The following CDH19 variants were observed in gnomAD, a reference collection of about 807,000 sequenced individuals.
CDH19 encodes the protein cadherin 19.
CDH19 carries 67 observed loss-of-function variants against 64.2 expected under a neutral mutation model. That is an observed-to-expected ratio of 1.04 (90% CI 0.86 to 1.28). The LOEUF is 1.28. Among genes scored for constraint, CDH19 ranks in the 50% most tolerant of loss-of-function variants. The probability of loss-of-function intolerance (pLI) is 0.00; values close to 1 mark genes in which losing one functional copy is unlikely to be tolerated. For synonymous variants in CDH19, 346 were observed against 319.3 expected, an observed-to-expected ratio of 1.08 and a Z score of -0.89; for missense variants, 1,030 against 929.0, an observed-to-expected ratio of 1.11 and a Z score of -1.41.
chr18:66,584,128 T>A (rs561609855), intron 1 of CDH19, among the ~76,000 whole-genome samples: 2 of 152,190 alleles, frequency 1.3e-5, no homozygotes, highest in East Asian at 1.9e-4. Flanking sequence ...ATATCCAGCA[T>A]CTATCAAGAA....
At chr18:66,516,815 A>C (rs1172712263) in intron 9 of CDH19, among the ~76,000 whole-genome samples, 1 of 152,072 alleles carries the variant, frequency 6.6e-6, no homozygotes, top group Admixed American at 6.6e-5. Context: ...TCACTCTAGA[A>C]GAGAATATAG....
At chr18:66,569,404 A>T (rs938219730) in intron 2 of CDH19, among the ~76,000 whole-genome samples, 1 of 151,424 alleles carries the variant, frequency 6.6e-6, no homozygotes, top group African/African-American at 2.4e-5. Context: ...TTACACCACG[A>T]GGCTATCAAA....
intron 6 of CDH19, among the ~76,000 whole-genome samples, 178 bp downstream of exon 6, chr18:66,544,541 T>C (rs997421874): frequency 3.3e-5 from 5 of 152,176 alleles, no homozygotes; most frequent in African/African-American, 1.2e-4. Context: ...ATGTTCTGCA[T>C]ATAATTCAAA....
At chr18:66,555,377 A>AT (rs1385399861) in intron 3 of CDH19, among the ~76,000 whole-genome samples, 6 of 136,816 alleles carry the variant, frequency 4.4e-5, no homozygotes, top group Non-Finnish European at 8.4e-5. Context: ...AGCATCATGA[A>AT]TTTTCTCATC....
chr18:66,595,358 C>A, intron 1 of CDH19, among the ~76,000 whole-genome samples: 1 of 150,256 alleles, frequency 6.7e-6, no homozygotes, highest in Admixed American at 6.6e-5. Context: ...GAAATGGAGA[C>A]ATGAAAAACA....
intron 3 of CDH19, among the ~76,000 whole-genome samples, chr18:66,558,906 T>C (rs1262287992): frequency 6.6e-6 from 1 of 152,070 alleles, no homozygotes; most frequent in Non-Finnish European, 1.5e-5. Context: ...GTTTGAGTCA[T>C]AGTGAATACC....
intron 9 of CDH19, among the ~76,000 whole-genome samples, chr18:66,525,612 A>G (rs958645405): frequency 6.6e-6 from 1 of 152,164 alleles, no homozygotes; most frequent in Non-Finnish European, 1.5e-5. Context: ...TGTGATAGCC[A>G]TAATTCCTGG....
chr18:66,594,561 C>A (rs1988830529), intron 1 of CDH19, among the ~76,000 whole-genome samples: 1 of 152,048 alleles, frequency 6.6e-6, no homozygotes, highest in South Asian at 2.1e-4. Flanking sequence ...TCATACGAAT[C>A]ACAGTCTTGG....
At chr18:66,547,275 A>G (rs959326373) in intron 5 of CDH19, among the ~76,000 whole-genome samples, 4 of 152,084 alleles carry the variant, frequency 2.6e-5, no homozygotes, top group African/African-American at 9.7e-5. Context: ...AAAGAAAAGT[A>G]GAAAAAGTAG....
At chr18:66,537,185 T>C (rs1986707204) in intron 7 of CDH19, among the ~76,000 whole-genome samples, 1 of 151,998 alleles carries the variant, frequency 6.6e-6, no homozygotes, top group African/African-American at 2.4e-5. Flanking sequence ...ACTCATATTC[T>C]TCTTTTACAA....
At chr18:66,536,563 AGTTTAATTC>A (rs1244611601) in intron 7 of CDH19, among the ~76,000 whole-genome samples, 3 of 151,822 alleles carry the variant, frequency 2.0e-5, no homozygotes, top group Non-Finnish European at 4.4e-5. Flanking sequence ...AGTCTTTAGT[AGTTTAATTC>A]ACATCTGTTA....
At chr18:66,505,445 T>G (rs1055210143) in intron 11 of CDH19, 143 bp from the exon 12 acceptor site, 7 of 645,112 alleles carry the variant, frequency 1.1e-5, no homozygotes, top group African/African-American at 1.9e-5. Flanking sequence ...ATTGAAAATT[T>G]GCCAAAGGGA....
rs539493571 is a variant in CDH19 at position 66,576,487 on chromosome 18, C to G, written c.-112-4171G>C. ...TCATAATTATAAGTGATAAACATAT[C>G]ATTTCATAATTATAAATGATAAACA... On this transcript the variant is annotated intron_variant, in intron 1 of 11. Coordinates refer to ENST00000262150, the MANE Select transcript of CDH19 (RefSeq NM_021153.4). Among the ~76,000 whole-genome samples the G allele has an allele frequency of 7.3e-5, 11 of 151,406 alleles. No homozygotes were observed. The South Asian group carries it at 2.3e-3, about 32-fold the overall frequency.
At chr18:66,527,760 A>G (rs548824144) in intron 9 of CDH19, among the ~76,000 whole-genome samples, 3 of 151,634 alleles carry the variant, frequency 2.0e-5, no homozygotes, top group Admixed American at 6.6e-5. Flanking sequence ...ATCTATATAT[A>G]TATATAAAAA....
chr18:66,578,538 C>T (rs1226415216), intron 1 of CDH19, among the ~76,000 whole-genome samples: 5 of 151,796 alleles, frequency 3.3e-5, no homozygotes, highest in South Asian at 2.1e-4. Flanking sequence ...AATGTAAAAT[C>T]GCATGACTAT....
At chr18:66,529,575 A>G (rs1986355795) in intron 9 of CDH19, among the ~76,000 whole-genome samples, 1 of 149,126 alleles carries the variant, frequency 6.7e-6, no homozygotes, top group Non-Finnish European at 1.5e-5. Context: ...TGTAATTAAT[A>G]TAAATAGAAT....
At chr18:66,600,834 G>A (rs1022118570) in intron 1 of CDH19, among the ~76,000 whole-genome samples, 5 of 151,764 alleles carry the variant, frequency 3.3e-5, no homozygotes, top group Non-Finnish European at 7.4e-5. Flanking sequence ...TATTCTATAA[G>A]CATTCGATAA....
chr18:66,568,330 A>T, intron 3 of CDH19, 86 bp downstream of exon 3: 1 of 1,047,482 alleles, frequency 9.5e-7, no homozygotes, highest in Non-Finnish European at 1.4e-6. Flanking sequence ...ATAGACCCTT[A>T]AATCATCTAC....
chr18:66,549,040 G>T (rs1987244791), intron 5 of CDH19, among the ~76,000 whole-genome samples: 1 of 151,790 alleles, frequency 6.6e-6, no homozygotes, highest in South Asian at 2.1e-4. Flanking sequence ...TTGAGAGGAG[G>T]GTAATGGGAT....
Sources: gnomAD v4.1 joint callset for allele counts (sites outside exome capture counted in the v4.1 genomes callset) on GRCh38, gnomAD v4.1.1 for gene constraint, MANE v1.5 for transcripts, NCBI Gene and HGNC (gene_info 2026-07-23, HGNC 2026-07-21) for gene names.